The following PARD3B variants were observed in gnomAD, a reference collection of about 807,000 sequenced individuals.
PARD3B encodes the protein par-3 family cell polarity regulator beta, also known as partitioning defective 3 homolog B.
In PARD3B, 103 loss-of-function variants were observed where a neutral mutation model predicts 130.2. The ratio of observed to expected loss-of-function variants is 0.79; its 90% CI spans 0.67 to 0.93. PARD3B has a LOEUF of 0.93. Ranked by LOEUF, PARD3B falls within the 40% of genes least tolerant of loss-of-function variation. PARD3B has a pLI of 0.00. For missense variants in PARD3B, 1,609 were observed against 1,499.2 expected (o/e 1.07, Z -1.21); for synonymous variants, 583 against 553.2 (o/e 1.05, Z -0.76).
chr2:204,685,073 C>G (rs1266203133), intron 1 of PARD3B, among the ~76,000 whole-genome samples: 2 of 152,108 alleles, frequency 1.3e-5, no homozygotes, highest in Non-Finnish European at 1.5e-5. Context: ...AAAAAGAAGA[C>G]TGTATGACAA....
chr2:205,242,957 A>G lies in PARD3B; in HGVS notation c.2141-2821A>G, dbSNP rs527405388. Among the ~76,000 whole-genome samples the G allele has an allele frequency of 1.5e-3, 228 of 152,266 alleles. 1 individual carries two copies. The highest frequency in any genetic ancestry group is 5.0e-3 in the African/African-American group (209 of 41,558). On this transcript the variant is annotated intron_variant, in intron 15 of 22. Transcript: ENST00000406610. Reference sequence around the variant, plus strand: ...CAAAGCAGGCGGATCACCTGAGGTCAGGAGTTCGAGACCAGCCTGACCAAC... The same window carrying G: ...CAAAGCAGGCGGATCACCTGAGGTCGGGAGTTCGAGACCAGCCTGACCAAC...
rs1305498976 is a variant in PARD3B at position 205,559,477 on chromosome 2, T to TA, written c.3260+6075dup. 2.0e-5 allele frequency among the ~76,000 whole-genome samples: 3 copies of TA among 152,224 alleles called. 1 individual carries two copies. In the South Asian group the frequency reaches 6.2e-4, roughly 32 times the overall value. On this transcript the variant is annotated intron_variant, in intron 22 of 22. Transcript: ENST00000406610. ...AGATTTTCTTTATATACAAGGAAGT[T>TA]ATGGGAAAGAAATCCCCCAAAGCTT...
intron 2 of PARD3B, among the ~76,000 whole-genome samples, chr2:204,802,540 A>G (rs1299715852): frequency 1.3e-5 from 2 of 152,182 alleles, no homozygotes; most frequent in African/African-American, 4.8e-5. Flanking sequence ...ATACATGCAC[A>G]TGTATGTCTA....
intron 4 of PARD3B, among the ~76,000 whole-genome samples, chr2:205,070,994 A>G (rs1700693123): frequency 6.6e-6 from 1 of 152,016 alleles, no homozygotes; most frequent in Non-Finnish European, 1.5e-5. Flanking sequence ...GCATACTGTT[A>G]ATGTAAAAAA....
intron 22 of PARD3B, among the ~76,000 whole-genome samples, chr2:205,559,020 A>G (rs1182990387): frequency 6.6e-6 from 1 of 152,234 alleles, no homozygotes; most frequent in African/African-American, 2.4e-5. Context: ...ACATAAGGCC[A>G]TGTATACAGT....
chr2:204,908,155 C>G (rs2047102319), intron 2 of PARD3B, among the ~76,000 whole-genome samples: 1 of 152,070 alleles, frequency 6.6e-6, no homozygotes, highest in Non-Finnish European at 1.5e-5. Flanking sequence ...GATATAATAT[C>G]TTCTATCTTT....
Position 205,034,130 on chromosome 2 carries a change from A to C in PARD3B, c.395-13451A>C, listed in dbSNP as rs144170185. Among the ~76,000 whole-genome samples the C allele has an allele frequency of 6.5e-3, 989 of 152,250 alleles. 14 individuals are homozygous for C. The highest frequency in any genetic ancestry group is 0.023 in the African/African-American group (951 of 41,560). On this transcript the variant is annotated intron_variant, in intron 3 of 22. Coordinates refer to ENST00000406610, the MANE Select transcript of PARD3B (RefSeq NM_001302769.2). ...CGAGATACCCTTTTCATGACCTCCA[A>C]AGTTCTCAGGTCTGGGACATTTCAT...
At position 204,653,417 on chromosome 2, in the gene PARD3B, C is replaced by A. The variant is rs575881836; in HGVS notation, c.121-32764C>A. 4.0e-5 allele frequency among the ~76,000 whole-genome samples: 6 copies of A among 151,160 alleles called. No individual in the cohort carries two copies. In the East Asian group the frequency reaches 1.2e-3, roughly 29 times the overall value. On this transcript the variant is annotated intron_variant, in intron 1 of 22. Coordinates refer to ENST00000406610, the MANE Select transcript of PARD3B (RefSeq NM_001302769.2). ...TGTTTTTGATAAACACCTGTCAGAG[C>A]ACTGTGTTGCTATATGTGGCATCCA...
At chr2:205,543,572 T>C (rs1221764473) in intron 21 of PARD3B, among the ~76,000 whole-genome samples, 1 of 152,172 alleles carries the variant, frequency 6.6e-6, no homozygotes, top group African/African-American at 2.4e-5. Context: ...ACGAGCAGCA[T>C]TGTCGGGGGA....
chr2:205,043,643 T>C (rs1040723645), intron 3 of PARD3B, among the ~76,000 whole-genome samples: 3 of 152,168 alleles, frequency 2.0e-5, no homozygotes, highest in Non-Finnish European at 4.4e-5. Context: ...TCTATGAAAC[T>C]GGATAGAGTT....
At chr2:204,783,531 C>G (rs1464872224) in intron 2 of PARD3B, among the ~76,000 whole-genome samples, 1 of 152,200 alleles carries the variant, frequency 6.6e-6, no homozygotes, top group African/African-American at 2.4e-5. Flanking sequence ...AGAATTCAGT[C>G]CAAAACACAG....
chr2:204,589,490 A>T (rs2032983328), intron 1 of PARD3B, among the ~76,000 whole-genome samples: 1 of 152,204 alleles, frequency 6.6e-6, no homozygotes, highest in Non-Finnish European at 1.5e-5. Flanking sequence ...CAGAACTTTT[A>T]TCTATTTCAC....
intron 16 of PARD3B, among the ~76,000 whole-genome samples, chr2:205,256,143 T>C (rs571697677): frequency 6.6e-6 from 1 of 151,856 alleles, no homozygotes; most frequent in South Asian, 2.1e-4. Context: ...ATATATATTT[T>C]ATATTACATA....
chr2:204,811,268 T>A (rs1009466158), intron 2 of PARD3B, among the ~76,000 whole-genome samples: 5 of 152,150 alleles, frequency 3.3e-5, no homozygotes, highest in African/African-American at 1.2e-4. Context: ...TGTCTCTCAA[T>A]GTTTCTTGGA....
Position 205,274,275 on chromosome 2 carries a change from C to T in PARD3B, c.2186-26255C>T, listed in dbSNP as rs535419794. ...AATAGGCAACATGTTTACCTCCCTT[C>T]ACTATAGCATATTGGTATTAGGATA... On this transcript the variant is annotated intron_variant, in intron 16 of 22. Coordinates refer to ENST00000406610, the MANE Select transcript of PARD3B (RefSeq NM_001302769.2). The surrounding 1 kb of genome is among the most constrained non-coding windows in gnomAD (Gnocchi z 4.2). Among the ~76,000 whole-genome samples, 246 of 152,164 alleles carry T rather than the reference C, an allele frequency of 1.6e-3. 2 individuals are homozygous for T. The highest frequency in any genetic ancestry group is 5.6e-3 in the African/African-American group (231 of 41,522).
chr2:205,151,722 C>T (rs2033769677), intron 10 of PARD3B, among the ~76,000 whole-genome samples: 1 of 152,152 alleles, frequency 6.6e-6, no homozygotes, highest in Non-Finnish European at 1.5e-5. Flanking sequence ...ATCCAATTTA[C>T]CAGTCTGTCT....
intron 21 of PARD3B, among the ~76,000 whole-genome samples, chr2:205,536,804 A>G (rs190065448): frequency 1.7e-4 from 26 of 152,286 alleles, no homozygotes; most frequent in Admixed American, 2.6e-4. Context: ...TGGATCTGAA[A>G]CATCTCAGGT....
intron 2 of PARD3B, among the ~76,000 whole-genome samples, chr2:204,753,239 G>A (rs902534863): frequency 6.6e-6 from 1 of 152,074 alleles, no homozygotes; most frequent in South Asian, 2.1e-4. Context: ...GATATGGCTA[G>A]TCATGTTTTT....
chr2:205,434,429 G>A (rs904670435), intron 19 of PARD3B, among the ~76,000 whole-genome samples: 5 of 152,122 alleles, frequency 3.3e-5, no homozygotes, highest in Admixed American at 6.6e-5. Context: ...CACTCGTGAC[G>A]CATTCAAGGA....
Sources: allele counts gnomAD v4.1 joint callset (sites outside exome capture counted in the v4.1 genomes callset), GRCh38; gene constraint gnomAD v4.1.1; non-coding constraint Gnocchi (gnomAD v3.1); transcripts MANE v1.5; gene names NCBI Gene and HGNC (gene_info 2026-07-23, HGNC 2026-07-21).